Variants in APBA1 observed in about 807,000 individuals in gnomAD.
The protein encoded by APBA1 is amyloid-beta A4 precursor protein-binding family A member 1.
APBA1 carries 55 observed loss-of-function variants against 86.6 expected under a neutral mutation model. That is an observed-to-expected ratio of 0.64 (90% CI 0.51 to 0.80). The LOEUF is 0.80. APBA1 is among the 30% of genes least tolerant of loss of function. The probability of loss-of-function intolerance (pLI) is 0.00; values close to 1 mark genes in which losing one functional copy is unlikely to be tolerated. For missense variants in APBA1, 1,090 were observed against 1,183.0 expected, an observed-to-expected ratio of 0.92 and a Z score of 1.15; for synonymous variants, 511 against 493.9, an observed-to-expected ratio of 1.03 and a Z score of -0.46.
intron 1 of APBA1, among the ~76,000 whole-genome samples, chr9:69,534,642 C>A: frequency 6.6e-6 from 1 of 152,130 alleles, no homozygotes. Flanking sequence ...AATCAATGCA[C>A]AGGAACATTT....
chr9:69,526,496 A>G (rs886669187), intron 1 of APBA1, among the ~76,000 whole-genome samples: 5 of 152,272 alleles, frequency 3.3e-5, no homozygotes, highest in South Asian at 2.1e-4. Flanking sequence ...ATCATCAGAG[A>G]ATTGCAAGTC....
intron 1 of APBA1, among the ~76,000 whole-genome samples, chr9:69,653,079 A>T (rs540724089): frequency 6.6e-6 from 1 of 152,268 alleles, no homozygotes; most frequent in Non-Finnish European, 1.5e-5. Flanking sequence ...CTATAAAGAC[A>T]TGCATAGACT....
chr9:69,523,556 C>G, intron 1 of APBA1, among the ~76,000 whole-genome samples: 1 of 124,826 alleles, frequency 8.0e-6, no homozygotes, highest in Non-Finnish European at 1.7e-5. Context: ...CACACACACC[C>G]AACATTAGAG....
intron 1 of APBA1, among the ~76,000 whole-genome samples, chr9:69,522,088 T>C (rs112096031): frequency 1.6e-3 from 141 of 88,682 alleles, no homozygotes; most frequent in East Asian, 0.015. Context: ...CACACACACA[T>C]ATATAAATTA....
At chr9:69,633,702 A>G (rs1823097016) in intron 1 of APBA1, among the ~76,000 whole-genome samples, 1 of 152,182 alleles carries the variant, frequency 6.6e-6, no homozygotes, top group African/African-American at 2.4e-5. Flanking sequence ...ACAAGTTCAA[A>G]TACAAGTTTC....
intron 1 of APBA1, among the ~76,000 whole-genome samples, chr9:69,551,564 A>T (rs1836786292): frequency 6.6e-6 from 1 of 152,074 alleles, no homozygotes; most frequent in East Asian, 1.9e-4. Context: ...AAAAAAAAAA[A>T]AAGTAAAATA....
At chr9:69,504,116 T>C (rs1382215774) in intron 2 of APBA1, among the ~76,000 whole-genome samples, 1 of 152,086 alleles carries the variant, frequency 6.6e-6, no homozygotes, top group Non-Finnish European at 1.5e-5. Flanking sequence ...TCATTGTGTT[T>C]CCTGATCATT....
intron 1 of APBA1, among the ~76,000 whole-genome samples, chr9:69,610,856 A>T (rs374079663): frequency 6.6e-6 from 1 of 152,164 alleles, no homozygotes; most frequent in South Asian, 2.1e-4. Context: ...TTTAAAATCA[A>T]TGGTCATAAT....
intron 1 of APBA1, among the ~76,000 whole-genome samples, chr9:69,598,335 G>A (rs1423177618): frequency 1.3e-5 from 2 of 152,082 alleles, no homozygotes; most frequent in Non-Finnish European, 2.9e-5. Flanking sequence ...CTAATGCTAG[G>A]TGACGAGTTA....
At chr9:69,630,303 C>A (rs1042900543) in intron 1 of APBA1, among the ~76,000 whole-genome samples, 1 of 152,082 alleles carries the variant, frequency 6.6e-6, no homozygotes, top group Non-Finnish European at 1.5e-5. Context: ...TGGGCAGGGA[C>A]CAGATCGCAC....
At chr9:69,664,133 C>T (rs1349547439) in intron 1 of APBA1, among the ~76,000 whole-genome samples, 1 of 152,030 alleles carries the variant, frequency 6.6e-6, no homozygotes, top group Non-Finnish European at 1.5e-5. Flanking sequence ...AGAAGATAGC[C>T]GGAAATAAAC....
intron 1 of APBA1, among the ~76,000 whole-genome samples, chr9:69,567,404 A>AT (rs1197665627): frequency 6.6e-6 from 1 of 151,840 alleles, no homozygotes; most frequent in Non-Finnish European, 1.5e-5. Flanking sequence ...CTTTCTGTGA[A>AT]TTTTTTTATT....
intron 10 of APBA1, among the ~76,000 whole-genome samples, chr9:69,447,989 T>A (rs558728620): frequency 9.2e-5 from 14 of 152,262 alleles, no homozygotes; most frequent in Admixed American, 5.9e-4. Context: ...CAGGAGCGAC[T>A]TGTGGTCCTG....
intron 1 of APBA1, among the ~76,000 whole-genome samples, chr9:69,632,565 T>C (rs1221826530): frequency 6.6e-6 from 1 of 152,142 alleles, no homozygotes; most frequent in Non-Finnish European, 1.5e-5. Flanking sequence ...CGACTTAATA[T>C]AGATGTAGTG....
intron 1 of APBA1, among the ~76,000 whole-genome samples, chr9:69,526,175 GA>G (rs1836339290): frequency 6.6e-6 from 1 of 152,104 alleles, no homozygotes; most frequent in Non-Finnish European, 1.5e-5. Context: ...AAGAATTTAT[GA>G]TGAAGTCCTC....
chr9:69,515,095 T>C (rs1836113922), intron 2 of APBA1, among the ~76,000 whole-genome samples: 1 of 152,200 alleles, frequency 6.6e-6, no homozygotes, highest in South Asian at 2.1e-4. Context: ...CGTTGAACTT[T>C]ACCTGAGAAC....
rs762280360 is a variant in APBA1, at chr9:69,441,120, A to T, written c.2182-5T>A. 8 of 1,613,440 alleles carry T rather than the reference A, an allele frequency of 5.0e-6. No homozygotes were observed. The highest frequency in any genetic ancestry group is 5.9e-6 in the Non-Finnish European group (7 of 1,179,808). Reference sequence around the variant, plus strand: ...TCGGGACTGATTCTTTAAGCCCTTAAACATGAATAAAGTACAGTGGGTATG... The same window carrying T: ...TCGGGACTGATTCTTTAAGCCCTTATACATGAATAAAGTACAGTGGGTATG... On this transcript the variant is annotated splice_region_variant and splice_polypyrimidine_tract_variant and intron_variant, in intron 10 of 12. Transcript: ENST00000265381.
chr9:69,458,706 T>A (rs1835140399), intron 5 of APBA1, among the ~76,000 whole-genome samples: 1 of 152,202 alleles, frequency 6.6e-6, no homozygotes, highest in Non-Finnish European at 1.5e-5. Flanking sequence ...TCCGTTAAAT[T>A]TTTTTTCAAA....
intron 8 of APBA1, among the ~76,000 whole-genome samples, 161 bp downstream of exon 8, chr9:69,456,082 CCTGT>C (rs1175185911): frequency 3.9e-5 from 6 of 152,128 alleles, no homozygotes; most frequent in African/African-American, 9.7e-5. Flanking sequence ...CGATGAGTAC[CCTGT>C]CTGTTTTACT....
Sources: gnomAD v4.1 joint callset for allele counts (sites outside exome capture counted in the v4.1 genomes callset) on GRCh38, gnomAD v4.1.1 for gene constraint, MANE v1.5 for transcripts, NCBI Gene and HGNC (gene_info 2026-07-23, HGNC 2026-07-21) for gene names.